Variants in EXOC1 observed in about 807,000 individuals in gnomAD.
The protein encoded by EXOC1 is SEC3-like 1.
A neutral mutation model predicts 107.7 loss-of-function variants in EXOC1; 67 were observed. The ratio of observed to expected loss-of-function variants is 0.62; its 90% CI spans 0.51 to 0.76. The LOEUF (loss-of-function observed/expected upper bound fraction) is 0.76. Ranked by LOEUF, EXOC1 falls within the 30% of genes least tolerant of loss-of-function variation. The probability of loss-of-function intolerance (pLI) is 0.00; values close to 1 mark genes in which losing one functional copy is unlikely to be tolerated. For missense variants in EXOC1, 833 were observed against 1,055.7 expected (o/e 0.79, Z 2.92); for synonymous variants, 348 against 353.5 (o/e 0.98, Z 0.17).
At chr4:55,890,862 G>A (rs1409617871) in intron 12 of EXOC1, among the ~76,000 whole-genome samples, 1 of 152,086 alleles carries the variant, frequency 6.6e-6, no homozygotes, top group Non-Finnish European at 1.5e-5. Flanking sequence ...CAGGTAGCTG[G>A]GATTACAGGT....
In EXOC1 at chr4:55,896,874, A is replaced by G; in HGVS notation, c.2111A>G (p.Lys704Arg). ...GGAGACCTGGATAAAGCATACACCA[A>G]ACTTATCAGAGGAGTATTTGTTAAT... ...RRGDLDKAYT[K>R]LIRGVFVNVE... is the part of the protein sequence containing the mutation. Residue 704 changes from lysine (K) to arginine (R), a missense_variant, in exon 16 of 19, where the codon AAA becomes AGA. Physicochemically the swap from Lys to Arg is conservative, Grantham distance 26. Around this residue, in one of 2 missense-constraint regions of EXOC1, gnomAD observed 216 missense variants for 354.4 expected, o/e 0.61. Transcript: ENST00000381295. The G allele has an allele frequency of 1.2e-6, 2 of 1,602,668 alleles. No homozygotes were observed. Among genetic ancestry groups the G allele is most frequent in the African/African-American group, 1.3e-5 (1 of 74,122 alleles).
chr4:55,876,290 C>T (rs1317102282), intron 8 of EXOC1: 1 of 985,218 alleles, frequency 1.0e-6, no homozygotes, highest in African/African-American at 1.7e-5. Context: ...CAGGTAGCCA[C>T]CCAGAAAAGA....
intron 9 of EXOC1, chr4:55,882,917 T>G (rs918684130): frequency 3.3e-5 from 5 of 152,130 alleles, no homozygotes; most frequent in Admixed American, 6.5e-5. Context: ...TTATTTAAAT[T>G]TAGTCAAATT....
At chr4:55,867,671 A>C (rs1404953753) in intron 4 of EXOC1, among the ~76,000 whole-genome samples, 1 of 152,142 alleles carries the variant, frequency 6.6e-6, no homozygotes, top group Non-Finnish European at 1.5e-5. Flanking sequence ...ATAATTTCAA[A>C]CAGCCATGTT....
chr4:55,860,273 T>TGCAACAA (rs1190831799), intron 2 of EXOC1, 138 bp from the exon 3 acceptor site: 1 of 968,006 alleles, frequency 1.0e-6, no homozygotes, highest in Non-Finnish European at 1.5e-6. Flanking sequence ...CTTTCCTCGG[T>TGCAACAA]CATAGCACTT....
chr4:55,884,984 C>G (rs1723731941), intron 10 of EXOC1, among the ~76,000 whole-genome samples: 1 of 152,178 alleles, frequency 6.6e-6, no homozygotes, highest in Admixed American at 6.5e-5. Flanking sequence ...CTACACTTTA[C>G]AGATACTGAT....
chr4:55,896,645 A>C, intron 15 of EXOC1, 72 bp from the exon 16 acceptor site: 1 of 1,237,848 alleles, frequency 8.1e-7, no homozygotes, highest in Non-Finnish European at 1.1e-6. Flanking sequence ...CCATCTATAT[A>C]TTTTGTTATG....
intron 16 of EXOC1, among the ~76,000 whole-genome samples, chr4:55,898,525 A>G (rs1207832363): frequency 2.0e-5 from 3 of 152,204 alleles, no homozygotes; most frequent in Admixed American, 6.5e-5. Flanking sequence ...ATAAATAACT[A>G]TTTATCCCCA....
chr4:55,888,187 T>G (rs1724109859), intron 10 of EXOC1, among the ~76,000 whole-genome samples: 2 of 152,182 alleles, frequency 1.3e-5, no homozygotes, highest in South Asian at 4.1e-4. Context: ...AGAGAGAAGT[T>G]TTAGATAAAA....
intron 8 of EXOC1, chr4:55,872,696 T>C: frequency 6.1e-6 from 4 of 653,008 alleles, no homozygotes; most frequent in Non-Finnish European, 7.6e-6. Context: ...ATTTTTACTT[T>C]ATTTTCACTT....
At chr4:55,854,193 C>CA (rs1175453356) in intron 1 of EXOC1, among the ~76,000 whole-genome samples, 7 of 146,166 alleles carry the variant, frequency 4.8e-5, no homozygotes, top group Non-Finnish European at 1.1e-4. Context: ...AACTCCCCCC[C>CA]ACCCCCCGCC....
chr4:55,877,332 A>C (rs377236951), intron 8 of EXOC1: 12 of 985,280 alleles, frequency 1.2e-5, no homozygotes, highest in East Asian at 1.1e-4. Context: ...AATTACATCA[A>C]ATAAATCTGT....
At chr4:55,868,201 T>C (rs1577704680) in intron 4 of EXOC1, 135 bp from the exon 5 acceptor site, 1 of 507,190 alleles carries the variant, frequency 2.0e-6, no homozygotes, top group Admixed American at 4.3e-5. Flanking sequence ...TTTTTTCATA[T>C]CATTTGAATC....
intron 10 of EXOC1, among the ~76,000 whole-genome samples, chr4:55,886,587 AAAC>A (rs1158280874): frequency 6.6e-6 from 1 of 151,858 alleles, no homozygotes; most frequent in Non-Finnish European, 1.5e-5. Flanking sequence ...AAAAAAAAAA[AAAC>A]AAGAAATGTA....
intron 8 of EXOC1, among the ~76,000 whole-genome samples, chr4:55,873,600 C>T (rs1475207400): frequency 1.3e-5 from 2 of 152,040 alleles, no homozygotes; most frequent in East Asian, 1.9e-4. Context: ...CTAATGGCCT[C>T]GTTTAAAATG....
chr4:55,863,077 T>G (rs890518944), intron 3 of EXOC1, among the ~76,000 whole-genome samples: 4 of 152,072 alleles, frequency 2.6e-5, no homozygotes, highest in African/African-American at 9.7e-5. Flanking sequence ...ATTTTTGTGT[T>G]TTTTGTAGAG....
In EXOC1 at chr4:55,896,749, G is replaced by A. The variant is rs1205335859; in HGVS notation, c.1986G>A (p.Lys662=). Residue 662 remains lysine (K), a synonymous_variant, in exon 16 of 19, where the codon AAG becomes AAA. Coordinates refer to ENST00000381295, the MANE Select transcript of EXOC1 (RefSeq NM_001024924.2). The part of the protein sequence containing the change: ...SNQIRQMEEV[K]ISKKSKVGIL... Reference sequence around the variant, plus strand: ...AAATAAGGCAAATGGAAGAAGTAAAGATCTCAAAAAAGAGTAAAGTTGGAA... The same window carrying A: ...AAATAAGGCAAATGGAAGAAGTAAAAATCTCAAAAAAGAGTAAAGTTGGAA... The A allele has an allele frequency of 6.2e-7, 1 of 1,609,420 alleles. No homozygotes were observed.
chr4:55,901,096 A>G (rs1280594310), intron 17 of EXOC1, among the ~76,000 whole-genome samples: 1 of 152,180 alleles, frequency 6.6e-6, no homozygotes, highest in Non-Finnish European at 1.5e-5. Context: ...AAGCAGAAAT[A>G]TTGTTAGATC....
intron 10 of EXOC1, among the ~76,000 whole-genome samples, chr4:55,887,925 G>C (rs199520767): frequency 0.081 from 12,265 of 152,202 alleles, 631 homozygotes; most frequent in East Asian, 0.15. Context: ...GCCAAGGCTA[G>C]AAAGATATAC....
Sources: gnomAD v4.1 joint callset for allele counts (sites outside exome capture counted in the v4.1 genomes callset) on GRCh38, gnomAD v4.1.1 for gene constraint, gnomAD v4.1.1 regional missense constraint, MANE v1.5 for transcripts, NCBI Gene and HGNC (gene_info 2026-07-23, HGNC 2026-07-21) for gene names.